Variants in NLRP3 observed in about 807,000 individuals in gnomAD.
NLRP3 encodes the protein NLR family pyrin domain containing 3, also known as NACHT, LRR and PYD domains-containing protein 3.
Under a neutral mutation model 91.3 loss-of-function variants are expected in NLRP3, and 48 were observed. The observed-to-expected ratio is 0.53, with a 90% CI of 0.42 to 0.67. The LOEUF (loss-of-function observed/expected upper bound fraction) is 0.67, where lower values mean the gene tolerates loss of function less well. Among genes scored for constraint, NLRP3 ranks in the 30% least tolerant of loss-of-function variants. The pLI is 0.00. For missense variants in NLRP3, 982 were observed against 1,276.9 expected (o/e 0.77, Z 3.52); for synonymous variants, 561 against 507.9 (o/e 1.10, Z -1.41).
intron 7 of NLRP3, among the ~76,000 whole-genome samples, chr1:247,436,602 C>T (rs943478772): frequency 6.6e-6 from 1 of 152,180 alleles, no homozygotes; most frequent in Non-Finnish European, 1.5e-5. Flanking sequence ...TCAGCACCTT[C>T]ACCTATGTAG....
chr1:247,423,259 A>G lies in NLRP3; in HGVS notation c.307A>G (p.Thr103Ala), dbSNP rs770170892. 1.2e-6 allele frequency: 2 copies of G among 1,613,626 alleles called. No homozygotes were observed. Among genetic ancestry groups the G allele is most frequent in the Admixed American group, 1.7e-5 (1 of 59,970 alleles). ...AGATAATGCACGTGTTTCGAATCCC[A>G]CTGTGATATGCCAGGAAGACAGCAT... is the stretch of plus-strand genomic sequence containing the variant. ...GSDNARVSNP[T>A]VICQEDSIEE... The change falls in exon 3 of 10, where the codon ACT becomes GCT. Residue 103 changes from threonine (T) to alanine (A), a missense_variant. Thr to Ala is a moderately conservative substitution (Grantham distance 58, BLOSUM62 0). Transcript: ENST00000336119.
chr1:247,436,604 C>G (rs968477495), intron 7 of NLRP3, among the ~76,000 whole-genome samples: 11 of 152,288 alleles, frequency 7.2e-5, no homozygotes, highest in African/African-American at 2.6e-4. Flanking sequence ...AGCACCTTCA[C>G]CTATGTAGCC....
intron 9 of NLRP3, among the ~76,000 whole-genome samples, chr1:247,446,015 C>T (rs916357452): frequency 6.6e-6 from 1 of 152,202 alleles, no homozygotes; most frequent in Non-Finnish European, 1.5e-5. Context: ...TCTAGATCCA[C>T]ACCCTTGCTA....
In NLRP3 at chr1:247,436,048, A is replaced by G. The variant is rs1248156475; in HGVS notation, c.2571A>G (p.Arg857=). 1 of 1,613,942 alleles carries G rather than the reference A, an allele frequency of 6.2e-7. No individual in the cohort carries two copies. Among genetic ancestry groups the G allele is most frequent in the African/African-American group, 1.3e-5 (1 of 74,870 alleles). The part of the protein sequence containing the change: ...SVLSTSHSLT[R]LYVGENALGD... The stretch of plus-strand genomic sequence containing the variant: ...TGAGCACCAGCCATTCCCTGACCAG[A>G]CTCTATGTGGGGGAGAATGCCTTGG... Residue 857 remains arginine (R), a synonymous_variant, in exon 7 of 10, where the codon AGA becomes AGG. Transcript: ENST00000336119.
chr1:247,436,384 T>C (rs1237156172), intron 7 of NLRP3, among the ~76,000 whole-genome samples: 1 of 152,208 alleles, frequency 6.6e-6, no homozygotes. Flanking sequence ...TTAGAGATGG[T>C]GCAGCCCAAT....
Position 247,419,020 on chromosome 1 carries a change from G to C in NLRP3, c.220G>C (p.Ala74Pro). 6.2e-7 allele frequency: 1 copy of C among 1,613,748 alleles called. No homozygotes were observed. Among genetic ancestry groups the C allele is most frequent in the South Asian group, 1.1e-5 (1 of 91,076 alleles). Residue 74 changes from alanine (A) to proline (P), a missense_variant, in exon 2 of 10, where the codon GCT becomes CCT. Coordinates refer to ENST00000336119, the MANE Select transcript of NLRP3 (RefSeq NM_001243133.2). ...GTGGGCCATGGCCGTGTGGATCTTC[G>C]CTGCGATCAACAGGAGAGACCTTTA... Reference protein sequence around the residue: ...KAWAMAVWIFAAINRRDLYEK... With the variant: ...KAWAMAVWIFPAINRRDLYEK...
rs876660975 is a variant in NLRP3 at position 247,444,092 on chromosome 1, A to G, written c.2784A>G (p.Lys928=). ...ACACTCTCGGAGACAAGGGGATCAA[A>G]CTACTCTGTGAGGGACTCTTGCACC... ...RGNTLGDKGI[K]LLCEGLLHPD... Residue 928 remains lysine (K), a synonymous_variant, in exon 8 of 10, where the codon AAA becomes AAG. Transcript: ENST00000336119. 1.9e-6 allele frequency: 3 copies of G among 1,614,086 alleles called. No homozygotes were observed. Among genetic ancestry groups the G allele is most frequent in the Admixed American group, 3.3e-5 (2 of 60,000 alleles).
At chr1:247,441,153 CTCTCTCTT>C (rs1664206423) in intron 7 of NLRP3, among the ~76,000 whole-genome samples, 3 of 143,638 alleles carry the variant, frequency 2.1e-5, no homozygotes, top group African/African-American at 7.8e-5. Flanking sequence ...CTTTCTCTCT[CTCTCTCTT>C]TCTTTCTTTC....
In NLRP3 at chr1:247,424,286, C is replaced by A; in HGVS notation, c.837C>A (p.Pro279=). ...SLGDLIMSCC[P]DPNPPIHKIV... ...GGGACCTGATCATGAGCTGCTGCCC[C>A]GACCCAAACCCACCCATCCACAAGA... is the stretch of plus-strand genomic sequence containing the variant. Residue 279 remains proline, a synonymous_variant, in exon 4 of 10, where the codon CCC becomes CCA. Coordinates refer to ENST00000336119, the MANE Select transcript of NLRP3 (RefSeq NM_001243133.2). This position sits in a 1 kb window ranked among gnomAD's most constrained non-coding sequence, Gnocchi z 8.1. The A allele has an allele frequency of 6.2e-7, 1 of 1,613,986 alleles. No homozygotes were observed. The highest frequency in any genetic ancestry group is 1.1e-5 in the South Asian group (1 of 91,062).
Position 247,448,734 on chromosome 1 carries a change from G to C in NLRP3, c.*230G>C, listed in dbSNP as rs10754558. The C allele has an allele frequency of 0.6, 353,166 of 583,860 alleles. 108,597 individuals are homozygous for C. The highest frequency in any genetic ancestry group is 0.74 in the African/African-American group (39,836 of 53,632). The allele number at this position is 583,860 out of a possible 1,614,324, so 36.2% of individuals were successfully genotyped here. On this transcript the variant is annotated 3_prime_UTR_variant, in exon 10 of 10. Transcript: ENST00000336119. ...GACAATGACAGCATCGGGTGTTGTTGTCATCACAGCGCCTCAGTTAGAGGA... is the reference window on the plus strand; with the variant it reads ...GACAATGACAGCATCGGGTGTTGTTCTCATCACAGCGCCTCAGTTAGAGGA...
At chr1:247,427,499 T>C (rs7535360) in intron 4 of NLRP3, among the ~76,000 whole-genome samples, 7,273 of 150,334 alleles carry the variant, frequency 0.048, 238 homozygotes, top group South Asian at 0.1. Flanking sequence ...TCAGCACCCA[T>C]TTCTCTAGAT....
In NLRP3 at chr1:247,444,200, C is replaced by T. The variant is rs910577387; in HGVS notation, c.2834+58C>T. On this transcript the variant is annotated intron_variant, in intron 8 of 9. Coordinates refer to ENST00000336119, the MANE Select transcript of NLRP3 (RefSeq NM_001243133.2). ...CACATGGTGGCCAAGGGTGGAGGGA[C>T]GTTTAGGCAGAGTGGCCACAAGATA... The T allele has an allele frequency of 1.7e-4, 268 of 1,556,312 alleles. 4 individuals carry two copies. The South Asian group carries it at 2.7e-3, about 16-fold the overall frequency.
In NLRP3 at chr1:247,418,595, C is replaced by T. The variant is rs1662215951; in HGVS notation, c.-206C>T. On this transcript the variant is annotated 5_prime_UTR_variant, in exon 2 of 10. Transcript: ENST00000336119. ...GGGATTACAGGCGTGAGCCACTGTG[C>T]CCGGCCTTGGCTAACTTTTCAAAAT... 1.6e-6 allele frequency: 1 copy of T among 632,276 alleles called. No homozygotes were observed. The highest frequency in any genetic ancestry group is 2.7e-6 in the Non-Finnish European group (1 of 366,748). 39.2% of individuals were successfully genotyped at this position (632,276 alleles called of 1,614,324 possible). A position where few individuals can be genotyped will look rare whatever the true frequency, so the allele number is the denominator to read the frequency against.
intron 5 of NLRP3, among the ~76,000 whole-genome samples, chr1:247,433,015 G>C (rs7514428): frequency 0.93 from 140,588 of 151,800 alleles, 65,260 homozygotes; most frequent in East Asian, 1. Flanking sequence ...CTTGTCTTTA[G>C]AAGATAATAA....
chr1:247,437,150 C>T (rs1272051972), intron 7 of NLRP3, among the ~76,000 whole-genome samples: 2 of 152,200 alleles, frequency 1.3e-5, no homozygotes, highest in African/African-American at 2.4e-5. Flanking sequence ...TGGCTCTCAG[C>T]TTAAGGGTGG....
In NLRP3 at chr1:247,424,055, G is replaced by A. The variant is rs146606931; in HGVS notation, c.606G>A (p.Lys202=). The change falls in exon 4 of 10, where the codon AAG becomes AAA. Residue 202 remains lysine, a synonymous_variant. Transcript: ENST00000336119. The surrounding 1 kb of genome is among the most constrained non-coding windows in gnomAD (Gnocchi z 8.1). Reference sequence around the variant, plus strand: ...GTGAGAGCCCCGTGAGTCCCATTAAGATGGAGTTGCTGTTTGACCCCGATG... The same window carrying A: ...GTGAGAGCCCCGTGAGTCCCATTAAAATGGAGTTGCTGTTTGACCCCGATG... The part of the protein sequence containing the change: ...KTCESPVSPI[K]MELLFDPDDE... 9.9e-6 allele frequency: 16 copies of A among 1,613,974 alleles called. No homozygotes were observed. In the African/African-American group the frequency reaches 1.6e-4, roughly 16 times the overall value.
chr1:247,423,373 T>C (rs372242772), intron 3 of NLRP3, 24 bp downstream of exon 3: 1 of 1,613,440 alleles, frequency 6.2e-7, no homozygotes, highest in African/African-American at 1.3e-5. Flanking sequence ...GTGGTGCTTC[T>C]AGTTGAGTTT....
chr1:247,437,111 T>C (rs776541703), intron 7 of NLRP3, among the ~76,000 whole-genome samples: 1 of 152,238 alleles, frequency 6.6e-6, no homozygotes, highest in African/African-American at 2.4e-5. Flanking sequence ...GAGATGTTGC[T>C]AATGGGCTCT....
chr1:247,438,471 C>T (rs1663962999), intron 7 of NLRP3, among the ~76,000 whole-genome samples: 1 of 148,742 alleles, frequency 6.7e-6, no homozygotes, highest in Non-Finnish European at 1.5e-5. Context: ...GCAACCTCTG[C>T]CTCCCGGGTT....
Sources: allele counts gnomAD v4.1 joint callset (sites outside exome capture counted in the v4.1 genomes callset), GRCh38; gene constraint gnomAD v4.1.1; non-coding constraint Gnocchi (gnomAD v3.1); transcripts MANE v1.5; gene names NCBI Gene and HGNC (gene_info 2026-07-23, HGNC 2026-07-21).